Variants in ZNF512 observed in about 807,000 individuals in gnomAD.
ZNF512 encodes zinc finger protein 512.
ZNF512 carries 25 observed loss-of-function variants against 77.5 expected under a neutral mutation model. The ratio of observed to expected loss-of-function variants is 0.32; its 90% CI spans 0.23 to 0.45. The LOEUF is 0.45. Among genes scored for constraint, ZNF512 ranks in the 20% least tolerant of loss-of-function variants. The pLI, the probability that ZNF512 is intolerant of heterozygous loss-of-function variation, is 1.00. For missense variants in ZNF512, 483 were observed against 692.6 expected, an observed-to-expected ratio of 0.70 and a Z score of 3.40; for synonymous variants, 246 against 239.9, an observed-to-expected ratio of 1.03 and a Z score of -0.24.
intron 2 of ZNF512, among the ~76,000 whole-genome samples, chr2:27,595,137 A>G (rs1173346341): frequency 6.6e-6 from 1 of 152,078 alleles, no homozygotes; most frequent in Admixed American, 6.5e-5. Context: ...AGGGAGAGGG[A>G]GGAGAGCGGG....
intron 13 of ZNF512, among the ~76,000 whole-genome samples, chr2:27,618,315 A>G (rs1401722825): frequency 1.3e-5 from 2 of 152,232 alleles, no homozygotes; most frequent in Non-Finnish European, 2.9e-5. Context: ...AGTGATCTCT[A>G]TACATTCATG....
intron 12 of ZNF512, among the ~76,000 whole-genome samples, chr2:27,616,698 C>T (rs917001044): frequency 4.6e-5 from 7 of 152,208 alleles, no homozygotes; most frequent in Non-Finnish European, 8.8e-5. Context: ...ATGTGCTTAC[C>T]TGGATTGGTA....
intron 10 of ZNF512, among the ~76,000 whole-genome samples, chr2:27,610,530 ATATATATGTGTGTG>A (rs1672580420): frequency 1.2e-5 from 1 of 84,420 alleles, no homozygotes; most frequent in African/African-American, 6.0e-5. Context: ...ATGTGTGTGT[ATATATATGTGTGTG>A]TATATATATA....
intron 2 of ZNF512, among the ~76,000 whole-genome samples, chr2:27,591,069 C>T (rs1435847720): frequency 6.6e-6 from 1 of 152,114 alleles, no homozygotes. Context: ...CAGGGTCTCA[C>T]TCTGTTGCCA....
intron 12 of ZNF512, among the ~76,000 whole-genome samples, chr2:27,616,689 T>C (rs946628995): frequency 6.6e-6 from 1 of 152,196 alleles, no homozygotes; most frequent in Non-Finnish European, 1.5e-5. Flanking sequence ...TCACCTTACA[T>C]GTGCTTACCT....
chr2:27,584,750 G>C (rs948457130), intron 2 of ZNF512, among the ~76,000 whole-genome samples: 5 of 152,240 alleles, frequency 3.3e-5, no homozygotes, highest in African/African-American at 1.2e-4. Context: ...ATGTGAACGT[G>C]TGGAAAGAGT....
chr2:27,592,794 T>A (rs1671654026), intron 2 of ZNF512, among the ~76,000 whole-genome samples: 1 of 149,788 alleles, frequency 6.7e-6, no homozygotes, highest in Admixed American at 6.8e-5. Context: ...CAAGCGATTC[T>A]TCTGCTTCAG....
At chr2:27,593,782 C>CTTTTT (rs768572545) in intron 2 of ZNF512, among the ~76,000 whole-genome samples, 2 of 134,540 alleles carry the variant, frequency 1.5e-5, no homozygotes, top group African/African-American at 5.4e-5. Context: ...TTCTTTCTTT[C>CTTTTT]TTTTTTTTTT....
rs137928927 is a variant in ZNF512, at chr2:27,600,252, TC to T, written c.457+201del. On this transcript the variant is annotated intron_variant, in intron 5 of 13. Transcript: ENST00000355467. ...GTGACCTGCCTCAATTTATTTAACTTCCTCTTGCCTCAGTTTCCCTGTCTAT... is the reference window on the plus strand; with the variant it reads ...GTGACCTGCCTCAATTTATTTAACTTCTCTTGCCTCAGTTTCCCTGTCTAT... Among the ~76,000 whole-genome samples the T allele has an allele frequency of 6.8e-3, 1,043 of 152,326 alleles. 10 individuals are homozygous for T. The highest frequency in any genetic ancestry group is 0.023 in the African/African-American group (958 of 41,578).
chr2:27,598,291 CT>C, intron 3 of ZNF512, 37 bp downstream of exon 3: 1 of 1,570,934 alleles, frequency 6.4e-7, no homozygotes, highest in Non-Finnish European at 8.7e-7. Flanking sequence ...AGACGGGCCA[CT>C]TCCTAAAGTT....
In ZNF512 at chr2:27,586,283, G is replaced by A. The variant is rs563157601; in HGVS notation, c.89+2567G>A. Reference sequence around the variant, plus strand: ...CTTGCTCTGTCGCCTAGGCTGGAGTGCAGTGGCATGATCTCGGCTCACCAC... The same window carrying A: ...CTTGCTCTGTCGCCTAGGCTGGAGTACAGTGGCATGATCTCGGCTCACCAC... On this transcript the variant is annotated intron_variant, in intron 2 of 13. Coordinates refer to ENST00000355467, the MANE Select transcript of ZNF512 (RefSeq NM_032434.4). Among the ~76,000 whole-genome samples, 12 of 152,188 alleles carry A rather than the reference G, an allele frequency of 7.9e-5. No individual in the cohort carries two copies. The South Asian group carries it at 2.5e-3, about 32-fold the overall frequency.
chr2:27,600,782 G>C lies in ZNF512; in HGVS notation c.549G>C (p.Glu183Asp), dbSNP rs1003816192. The C allele has an allele frequency of 1.9e-6, 3 of 1,613,400 alleles. No homozygotes were observed. In the African/African-American group the frequency reaches 4.0e-5, roughly 22 times the overall value. ...AGGCAGTGGGGAGGAAGACCATAGA[G>C]GGTTTAAAGAAACACATGGAAAACT... ...TCQAVGRKTI[E>D]GLKKHMENCK... Residue 183 changes from glutamate (E) to aspartate (D), a missense_variant, in exon 6 of 14, where the codon GAG (glutamate) becomes GAC (aspartate). Physicochemically the swap from Glu to Asp is conservative, Grantham distance 45. Around this residue, in one of 2 missense-constraint regions of ZNF512, gnomAD observed 324 missense variants for 525.0 expected, o/e 0.62. Transcript: ENST00000355467.
At chr2:27,609,106 C>T (rs1191334286) in intron 10 of ZNF512, among the ~76,000 whole-genome samples, 2 of 145,246 alleles carry the variant, frequency 1.4e-5, no homozygotes, top group African/African-American at 2.6e-5. Context: ...GAGACTCTGT[C>T]TCCAAAAAAA....
At chr2:27,610,056 A>AAAAT (rs967719830) in intron 10 of ZNF512, among the ~76,000 whole-genome samples, 6 of 151,582 alleles carry the variant, frequency 4.0e-5, no homozygotes, top group South Asian at 2.1e-4. Context: ...AATAATAATA[A>AAAAT]AAATAAATAA....
Position 27,609,869 on chromosome 2 carries a change from C to CA in ZNF512, c.1131+1845dup, listed in dbSNP as rs34097136. Among the ~76,000 whole-genome samples, 256 of 131,176 alleles carry CA rather than the reference C, an allele frequency of 2.0e-3. 2 individuals carry two copies. The highest frequency in any genetic ancestry group is 2.9e-3 in the Non-Finnish European group (173 of 59,954). 86.1% of individuals were successfully genotyped at this position (131,176 alleles called of 152,430 possible). On this transcript the variant is annotated intron_variant, in intron 10 of 13. Transcript: ENST00000355467. ...GGGCAACAAGAGCAGAAATCTGTCT[C>CA]AAAAAAAAAAAAAAATTAGCCAGGT...
At chr2:27,598,628 CAA>C (rs761293599) in intron 3 of ZNF512, among the ~76,000 whole-genome samples, 18 of 73,564 alleles carry the variant, frequency 2.4e-4, no homozygotes, top group Admixed American at 2.7e-4. Context: ...GACTCCGTCT[CAA>C]AAAAAAAAAA....
In ZNF512 at chr2:27,621,302, C is replaced by A. The variant is rs758084107; in HGVS notation, c.1545C>A (p.Pro515=). Residue 515 remains proline (P), a synonymous_variant, in exon 14 of 14, where the codon CCC becomes CCA. Transcript: ENST00000355467. ...RRRQQPGIEL[P]ETELSLRVGK... ...GGCAGCAGCCTGGCATTGAGCTTCC[C>A]GAGACAGAGCTGAGTCTTAGAGTAG... 1 of 1,614,032 alleles carries A rather than the reference C, an allele frequency of 6.2e-7. No homozygotes were observed. Among genetic ancestry groups the A allele is most frequent in the Non-Finnish European group, 8.5e-7 (1 of 1,180,002 alleles).
At chr2:27,608,696 A>G (rs1672474197) in intron 10 of ZNF512, among the ~76,000 whole-genome samples, 2 of 152,278 alleles carry the variant, frequency 1.3e-5, no homozygotes, top group Admixed American at 1.3e-4. Context: ...TCTTGGGAAC[A>G]GGTTGAAGGG....
Position 27,615,704 on chromosome 2 carries a change from A to G in ZNF512, c.1233+435A>G, listed in dbSNP as rs78571174. Among the ~76,000 whole-genome samples, 1,113 of 152,342 alleles carry G rather than the reference A, an allele frequency of 7.3e-3. 45 individuals carry two copies. The East Asian group carries it at 0.11, about 15-fold the overall frequency. On this transcript the variant is annotated intron_variant, in intron 11 of 13. Transcript: ENST00000355467. ...TCAGAATTTGCACAGCATCACTTCC[A>G]TGGTGTTTTATTGATCAAAGGAATC...
Sources: allele counts gnomAD v4.1 joint callset (sites outside exome capture counted in the v4.1 genomes callset), GRCh38; gene constraint gnomAD v4.1.1; regional missense constraint gnomAD v4.1.1; transcripts MANE v1.5; gene names NCBI Gene and HGNC (gene_info 2026-07-23, HGNC 2026-07-21).